COL6A3: variants seen among roughly 807,000 people sequenced by gnomAD.
COL6A3 encodes the protein collagen type VI alpha 3 chain.
In COL6A3, 137 loss-of-function variants were observed where a neutral mutation model predicts 274.1. The observed-to-expected ratio is 0.50, with a 90% CI of 0.44 to 0.58. The LOEUF is 0.58. COL6A3 is among the 20% of genes least tolerant of loss of function. The pLI is 0.00. For missense variants in COL6A3, 3,950 were observed against 4,124.9 expected, an observed-to-expected ratio of 0.96 and a Z score of 1.16; for synonymous variants, 1,650 against 1,650.6, an observed-to-expected ratio of 1.00 and a Z score of 0.01.
intron 26 of COL6A3, among the ~76,000 whole-genome samples, chr2:237,351,859 C>T (rs1329371517): frequency 6.6e-6 from 1 of 152,212 alleles, no homozygotes; most frequent in Non-Finnish European, 1.5e-5. Flanking sequence ...CTGCTTCCAC[C>T]ATAAAATATT....
chr2:237,365,645 G>A, intron 12 of COL6A3, 53 bp downstream of exon 12: 1 of 1,532,486 alleles, frequency 6.5e-7, no homozygotes, highest in Non-Finnish European at 9.0e-7. Context: ...CTCCTTTCCA[G>A]TAAAAATTTG....
At chr2:237,375,683 C>T (rs1039215507) in intron 7 of COL6A3, among the ~76,000 whole-genome samples, 2 of 152,128 alleles carry the variant, frequency 1.3e-5, no homozygotes, top group Non-Finnish European at 2.9e-5. Flanking sequence ...GCTGGGATTA[C>T]AGGCACCCGC....
At chr2:237,400,759 A>T (rs996029985) in intron 1 of COL6A3, among the ~76,000 whole-genome samples, 1 of 152,194 alleles carries the variant, frequency 6.6e-6, no homozygotes, top group Non-Finnish European at 1.5e-5. Context: ...CCCCAAACTC[A>T]TTTTTATAAG....
chr2:237,366,584 C>T, intron 11 of COL6A3, 103 bp downstream of exon 11: 1 of 1,577,808 alleles, frequency 6.3e-7, no homozygotes, highest in Non-Finnish European at 8.7e-7. Flanking sequence ...ATGAAGCAAC[C>T]AAATGCCTAA....
intron 23 of COL6A3, chr2:237,357,125 T>C (rs932853884): frequency 5.8e-6 from 4 of 687,316 alleles, no homozygotes; most frequent in South Asian, 3.3e-5. Flanking sequence ...GTTCAGTATG[T>C]TTTTGGGGAG....
intron 29 of COL6A3, 102 bp downstream of exon 29, chr2:237,348,511 A>G (rs2077141992): frequency 2.1e-6 from 3 of 1,401,730 alleles, no homozygotes; most frequent in Non-Finnish European, 3.0e-6. Context: ...ATACAAAGAC[A>G]ATTTTTAAAG....
intron 7 of COL6A3, 94 bp downstream of exon 7, chr2:237,376,678 G>C: frequency 8.1e-7 from 1 of 1,235,708 alleles, no homozygotes; most frequent in Non-Finnish European, 1.2e-6. Context: ...AACTCAAGGA[G>C]GGCTTCTATC....
chr2:237,382,826 C>T (rs1018288646), intron 4 of COL6A3, among the ~76,000 whole-genome samples: 10 of 152,162 alleles, frequency 6.6e-5, no homozygotes, highest in African/African-American at 2.4e-4. Context: ...CTCACTCTAT[C>T]ACCCAGGCTG....
At chr2:237,328,360 A>G (rs1700056331) in intron 42 of COL6A3, 1 of 152,206 alleles carries the variant, frequency 6.6e-6, no homozygotes, top group Non-Finnish European at 1.5e-5. Flanking sequence ...TACCTAGAAC[A>G]TCCTAAAAAC....
rs944582420 is a variant in COL6A3 at position 237,359,216 on chromosome 2, T to C, written c.6344A>G (p.Asp2115Gly). Residue 2115 changes from aspartate (D) to glycine (G), a missense_variant, in exon 19 of 44, where the codon GAT becomes GGT. By Grantham distance (94) the Asp-to-Gly change is moderately conservative. Transcript: ENST00000295550. ...EVGEIGLDGL[D>G]GEDGDKGLPG... ...AGTAAAATCACTTACATCTTCACCATCCAGACCATCCAGTCCAATTTCTCC... is the reference window on the plus strand; with the variant it reads ...AGTAAAATCACTTACATCTTCACCACCCAGACCATCCAGTCCAATTTCTCC... The C allele has an allele frequency of 1.2e-6, 2 of 1,614,190 alleles. No individual in the cohort carries two copies. The highest frequency in any genetic ancestry group is 1.7e-5 in the Admixed American group (1 of 60,028).
chr2:237,371,914 G>T lies in COL6A3; in HGVS notation c.4103C>A (p.Thr1368Lys). The T allele has an allele frequency of 6.2e-7, 1 of 1,613,876 alleles. No homozygotes were observed. The highest frequency in any genetic ancestry group is 8.5e-7 in the Non-Finnish European group (1 of 1,180,018). The change falls in exon 9 of 44, where the codon ACG becomes AAG. Residue 1368 changes from threonine to lysine, a missense_variant. Physicochemically the swap from Thr to Lys is moderately conservative, Grantham distance 78. This residue lies in a region of COL6A3 where 1,934 missense variants were observed against 1,984.3 expected (regional missense o/e 0.97). Coordinates refer to ENST00000295550, the MANE Select transcript of COL6A3 (RefSeq NM_004369.4). This position sits in a 1 kb window ranked among gnomAD's most constrained non-coding sequence, Gnocchi z 4.3. ...CTCCTGGTCTGCGTTCCTGGCGATC[G>T]TGAAAGGGGCCACGCCAAACTGCTT... ...ELKQFGVAPF[T>K]IARNADQEEL...
At chr2:237,336,055 C>T in intron 40 of COL6A3, 80 bp downstream of exon 40, 2 of 1,545,640 alleles carry the variant, frequency 1.3e-6, no homozygotes, top group Non-Finnish European at 1.8e-6. Context: ...GAGTGTGTTA[C>T]ATGCAGGCTT....
chr2:237,346,382 C>T, intron 32 of COL6A3, 121 bp downstream of exon 32: 3 of 835,346 alleles, frequency 3.6e-6, no homozygotes, highest in Non-Finnish European at 6.2e-6. Flanking sequence ...GGTTTGACAA[C>T]CAAGCAAATA....
chr2:237,410,941 C>T (rs923154713), intron 1 of COL6A3, among the ~76,000 whole-genome samples: 2 of 152,302 alleles, frequency 1.3e-5, no homozygotes, highest in Middle Eastern at 3.4e-3. Context: ...TAGTAGGAAA[C>T]TTTAAAGCTC....
chr2:237,380,073 T>C (rs1040947426), intron 5 of COL6A3, among the ~76,000 whole-genome samples: 5 of 152,234 alleles, frequency 3.3e-5, no homozygotes, highest in African/African-American at 1.2e-4. Flanking sequence ...GTATCCTAAG[T>C]TGAACTTTGG....
chr2:237,353,141 C>G (rs532195232), intron 25 of COL6A3, among the ~76,000 whole-genome samples, 200 bp downstream of exon 25: 3 of 152,258 alleles, frequency 2.0e-5, no homozygotes, highest in African/African-American at 7.2e-5. Flanking sequence ...GGAGTGACTG[C>G]TAATGGGTAC....
intron 24 of COL6A3, among the ~76,000 whole-genome samples, chr2:237,354,222 T>A (rs1559220067): frequency 6.6e-6 from 1 of 152,032 alleles, no homozygotes; most frequent in African/African-American, 2.4e-5. Flanking sequence ...TTCTCCATAT[T>A]GGTCAGGCTA....
At chr2:237,365,118 G>A (rs1392094673) in intron 12 of COL6A3, among the ~76,000 whole-genome samples, 3 of 148,146 alleles carry the variant, frequency 2.0e-5, no homozygotes, top group Non-Finnish European at 4.4e-5. Context: ...TTTTAGAAGA[G>A]GAGATTTGGA....
chr2:237,375,063 C>A (rs2077801280), intron 7 of COL6A3, 43 bp from the exon 8 acceptor site: 2 of 1,610,086 alleles, frequency 1.2e-6, no homozygotes, highest in Non-Finnish European at 8.5e-7. Context: ...GACATCAGAG[C>A]AGCAATTTCA....
Sources: gnomAD v4.1 joint callset for allele counts (sites outside exome capture counted in the v4.1 genomes callset) on GRCh38, gnomAD v4.1.1 for gene constraint, gnomAD v4.1.1 regional missense constraint, Gnocchi (gnomAD v3.1) non-coding constraint, MANE v1.5 for transcripts, NCBI Gene and HGNC (gene_info 2026-07-23, HGNC 2026-07-21) for gene names.